Variants in TANC2 observed in about 807,000 individuals in gnomAD.
TANC2 encodes protein TANC2.
A neutral mutation model predicts 210.5 loss-of-function variants in TANC2; 26 were observed. The observed-to-expected ratio is 0.12, with a 90% confidence interval of 0.09 to 0.17. TANC2 has a LOEUF of 0.17. Ranked by LOEUF, TANC2 falls within the 10% of genes least tolerant of loss-of-function variation. The probability of loss-of-function intolerance (pLI) is 1.00; values close to 1 mark genes in which losing one functional copy is unlikely to be tolerated. For synonymous variants in TANC2, 931 were observed against 967.1 expected (o/e 0.96, Z 0.69); for missense variants, 2,129 against 2,608.9 (o/e 0.82, Z 4.01).
At chr17:62,970,198 C>T (rs559587614) in intron 1 of TANC2, among the ~76,000 whole-genome samples, 1 of 152,288 alleles carries the variant, frequency 6.6e-6, no homozygotes, top group South Asian at 2.1e-4. Context: ...CCAAACACTT[C>T]CCTTTTTATA....
intron 2 of TANC2, among the ~76,000 whole-genome samples, chr17:63,061,781 T>C (rs934360178): frequency 2.0e-5 from 3 of 152,152 alleles, no homozygotes; most frequent in Non-Finnish European, 4.4e-5. Context: ...TTTGTCACTT[T>C]CCTGCAAATC....
rs1568005730 is a variant in TANC2, at chr17:63,420,121, A to C, written c.4391A>C (p.Gln1464Pro). ...TGTAGACAGATGCAGCAGCCACAGC[A>C]GCCACCGCCGCCACCGCAGCCTCAG... The change falls in exon 28 of 28, where the codon CAG (glutamine) becomes CCG (proline). Residue 1464 changes from glutamine to proline, a missense_variant. Gln to Pro is a moderately conservative substitution (Grantham distance 76). Around this residue, in one of 5 missense-constraint regions of TANC2, gnomAD observed 584 missense variants for 627.3 expected, o/e 0.93. Coordinates refer to ENST00000689528, the Ensembl canonical transcript of TANC2. This position sits in a 1 kb window ranked among gnomAD's most constrained non-coding sequence, Gnocchi z 4.2. 1.3e-6 allele frequency: 2 copies of C among 1,553,142 alleles called. No homozygotes were observed. Among genetic ancestry groups the C allele is most frequent in the Non-Finnish European group, 1.7e-6 (2 of 1,147,806 alleles).
chr17:63,318,923 A>G, intron 10 of TANC2, 34 bp from the exon 11 acceptor site: 6 of 1,610,810 alleles, frequency 3.7e-6, no homozygotes, highest in Non-Finnish European at 5.1e-6. Flanking sequence ...TTTTATGATT[A>G]TCTGATGCAA....
At chr17:63,151,247 T>C in intron 4 of TANC2, 23 bp from the exon 5 acceptor site, 1 of 925,890 alleles carries the variant, frequency 1.1e-6, no homozygotes, top group Non-Finnish European at 1.3e-6. Flanking sequence ...TCTTGCTTGC[T>C]CTCTCTCTCT....
rs562468724 is a variant in TANC2, at chr17:63,317,242, G to A, written c.1442-1715G>A. Among the ~76,000 whole-genome samples the A allele has an allele frequency of 2.6e-5, 4 of 152,254 alleles. No homozygotes were observed. The South Asian group carries it at 8.3e-4, about 32-fold the overall frequency. ...CTGAGCACCACTGCTGTGGAAGATA[G>A]GAGCAGTTTAGCCTGCAGTACTGCC... On this transcript the variant is annotated intron_variant, in intron 10 of 27. Transcript: ENST00000689528.
intron 4 of TANC2, among the ~76,000 whole-genome samples, chr17:63,147,152 G>A (rs2039489391): frequency 6.6e-6 from 1 of 151,702 alleles, no homozygotes; most frequent in South Asian, 2.1e-4. Flanking sequence ...GGGCAACATG[G>A]CAAAACTCTG....
At chr17:63,366,443 G>A (rs2047112013) in intron 14 of TANC2, among the ~76,000 whole-genome samples, 1 of 152,164 alleles carries the variant, frequency 6.6e-6, no homozygotes, top group Non-Finnish European at 1.5e-5. Context: ...AGAGAGAAGT[G>A]ATCAATTTTC....
intron 9 of TANC2, among the ~76,000 whole-genome samples, chr17:63,297,228 A>C (rs565664427): frequency 1.3e-5 from 2 of 152,326 alleles, no homozygotes; most frequent in African/African-American, 4.8e-5. Context: ...TCTCAAATTC[A>C]CATGGACTTG....
At chr17:62,975,568 T>C (rs529299946) in intron 1 of TANC2, among the ~76,000 whole-genome samples, 1 of 151,800 alleles carries the variant, frequency 6.6e-6, no homozygotes, top group South Asian at 2.1e-4. Flanking sequence ...TTTTTTTTTT[T>C]TTAATGTAGA....
chr17:63,158,296 A>G (rs2039907510), intron 5 of TANC2, among the ~76,000 whole-genome samples: 1 of 152,238 alleles, frequency 6.6e-6, no homozygotes, highest in South Asian at 2.1e-4. Context: ...TAAATAAGCT[A>G]GTACCTATAA....
At chr17:63,422,206 G>A (rs1022741245) in exon 28 of TANC2, 7 of 439,930 alleles carry the variant, frequency 1.6e-5, no homozygotes, top group Non-Finnish European at 2.4e-5. Context: ...CCAACGAGGA[G>A]ATTTTCGTGC....
intron 9 of TANC2, among the ~76,000 whole-genome samples, chr17:63,286,806 T>G (rs2044235325): frequency 6.6e-6 from 1 of 152,226 alleles, no homozygotes; most frequent in Non-Finnish European, 1.5e-5. Flanking sequence ...GTTTTTAATT[T>G]TGTATAGTTT....
intron 4 of TANC2, among the ~76,000 whole-genome samples, chr17:63,139,908 A>C (rs572559501): frequency 6.6e-6 from 1 of 152,186 alleles, no homozygotes; most frequent in Non-Finnish European, 1.5e-5. Context: ...TATCTCAAGA[A>C]AGAAAGAAAT....
intron 1 of TANC2, among the ~76,000 whole-genome samples, chr17:62,979,356 T>C (rs2032186340): frequency 6.6e-6 from 1 of 152,192 alleles, no homozygotes. Flanking sequence ...TTTACCTTAT[T>C]TTGCAATAGC....
At chr17:63,332,345 G>T in intron 11 of TANC2, 1 of 307,610 alleles carries the variant, frequency 3.3e-6, no homozygotes, top group Non-Finnish European at 6.4e-6. Context: ...CTTCTTGATT[G>T]GGTGAATTTT....
intron 5 of TANC2, 22 bp from the exon 6 acceptor site, chr17:63,193,969 C>T: frequency 6.2e-7 from 1 of 1,603,518 alleles, no homozygotes; most frequent in Non-Finnish European, 8.5e-7. Context: ...GATTCATGTT[C>T]TTCAATGCCT....
intron 4 of TANC2, among the ~76,000 whole-genome samples, chr17:63,111,245 G>T (rs2038031386): frequency 6.6e-6 from 1 of 152,164 alleles, no homozygotes; most frequent in Non-Finnish European, 1.5e-5. Flanking sequence ...AACCCGAGAG[G>T]TGGAGGTTGC....
chr17:63,134,395 T>C (rs1598450595), intron 4 of TANC2, among the ~76,000 whole-genome samples: 1 of 152,160 alleles, frequency 6.6e-6, no homozygotes, highest in Non-Finnish European at 1.5e-5. Context: ...CATTTAAATC[T>C]TTTACCTTGA....
intron 4 of TANC2, among the ~76,000 whole-genome samples, chr17:63,122,267 C>T (rs2038514510): frequency 6.6e-6 from 1 of 152,180 alleles, no homozygotes; most frequent in South Asian, 2.1e-4. Context: ...TAAAACTTGA[C>T]AGCAGACACT....
Sources: gnomAD v4.1 joint callset for allele counts (sites outside exome capture counted in the v4.1 genomes callset) on GRCh38, gnomAD v4.1.1 for gene constraint, gnomAD v4.1.1 regional missense constraint, Gnocchi (gnomAD v3.1) non-coding constraint, MANE v1.5 for transcripts, NCBI Gene and HGNC (gene_info 2026-07-23, HGNC 2026-07-21) for gene names.